The following MYO5B variants were observed in gnomAD, a reference collection of about 807,000 sequenced individuals.
The protein encoded by MYO5B is myosin VB, also known as unconventional myosin-Vb.
In MYO5B, 143 loss-of-function variants were observed where a neutral mutation model predicts 229.3. The ratio of observed to expected loss-of-function variants is 0.62; its 90% CI spans 0.54 to 0.72. The LOEUF is 0.72. Among genes scored for constraint, MYO5B ranks in the 30% least tolerant of loss-of-function variants. The probability of loss-of-function intolerance (pLI) is 0.00; values close to 1 mark genes in which losing one functional copy is unlikely to be tolerated. For synonymous variants in MYO5B, 918 were observed against 885.2 expected (o/e 1.04, Z -0.66); for missense variants, 2,321 against 2,331.0 (o/e 1.00, Z 0.09).
chr18:49,923,591 G>C (rs2025098259), intron 17 of MYO5B, among the ~76,000 whole-genome samples: 1 of 152,214 alleles, frequency 6.6e-6, no homozygotes, highest in South Asian at 2.1e-4. Context: ...CTTCAAGCTA[G>C]CTCAGCCAGT....
intron 4 of MYO5B, among the ~76,000 whole-genome samples, chr18:50,030,725 C>T (rs1226304088): frequency 6.6e-6 from 1 of 151,828 alleles, no homozygotes; most frequent in South Asian, 2.1e-4. Flanking sequence ...AAGCTGCACA[C>T]CCCTCCCCAG....
intron 9 of MYO5B, among the ~76,000 whole-genome samples, chr18:49,976,643 C>T (rs1004877126): frequency 5.9e-5 from 9 of 152,176 alleles, no homozygotes; most frequent in African/African-American, 1.4e-4. Context: ...CTGAGTGAGG[C>T]CTCCTGCCTT....
At chr18:49,999,160 G>C (rs1455347514) in intron 5 of MYO5B, among the ~76,000 whole-genome samples, 1 of 152,142 alleles carries the variant, frequency 6.6e-6, no homozygotes, top group Non-Finnish European at 1.5e-5. Context: ...CTTTCGTTTT[G>C]CTCAGAATAA....
At chr18:49,896,630 T>G (rs1288390777) in intron 21 of MYO5B, among the ~76,000 whole-genome samples, 1 of 152,104 alleles carries the variant, frequency 6.6e-6, no homozygotes, top group African/African-American at 2.4e-5. Context: ...AGGAGGTCTC[T>G]AGGTAGAGCT....
chr18:49,974,650 T>G (rs776158871), intron 9 of MYO5B, 35 bp from the exon 10 acceptor site: 70 of 1,602,314 alleles, frequency 4.4e-5, no homozygotes, highest in Non-Finnish European at 5.5e-5. Flanking sequence ...TCAGGAGGAG[T>G]GTGGGAGACA....
chr18:50,097,886 C>T (rs1207598479), intron 1 of MYO5B, among the ~76,000 whole-genome samples: 2 of 152,186 alleles, frequency 1.3e-5, no homozygotes, highest in African/African-American at 4.8e-5. Context: ...GAGAATGAAA[C>T]AGGAAACTGG....
At chr18:49,940,811 G>A (rs1235821429) in intron 14 of MYO5B, among the ~76,000 whole-genome samples, 1 of 152,222 alleles carries the variant, frequency 6.6e-6, no homozygotes, top group Non-Finnish European at 1.5e-5. Context: ...ATTAGAATGA[G>A]TGTGCCCACC....
chr18:50,160,874 C>T (rs1347811318), intron 1 of MYO5B, among the ~76,000 whole-genome samples: 1 of 152,154 alleles, frequency 6.6e-6, no homozygotes, highest in Non-Finnish European at 1.5e-5. Context: ...CTGTCCAACA[C>T]CCACCCCTCA....
At position 49,962,299 on chromosome 18, in the gene MYO5B, C is replaced by T; in HGVS notation, c.1512G>A (p.Leu504=). The stretch of plus-strand genomic sequence containing the variant: ...CTTCATCCAACAGGTCCAAGATACC[C>T]AGCTTGGCTTCAATGAGGTCGATAC... The part of the protein sequence containing the change: ...QPCIDLIEAK[L]GILDLLDEEC... Residue 504 remains leucine, a synonymous_variant, in exon 12 of 40, where the codon CTG becomes CTA. Coordinates refer to ENST00000285039, the MANE Select transcript of MYO5B (RefSeq NM_001080467.3). The T allele has an allele frequency of 6.2e-7, 1 of 1,614,204 alleles. No individual in the cohort carries two copies. Among genetic ancestry groups the T allele is most frequent in the African/African-American group, 1.3e-5 (1 of 75,054 alleles).
chr18:50,009,186 T>C (rs1267476688), intron 4 of MYO5B, among the ~76,000 whole-genome samples: 1 of 152,166 alleles, frequency 6.6e-6, no homozygotes, highest in African/African-American at 2.4e-5. Context: ...GAGACCAGCC[T>C]GGCCAACATG....
chr18:50,051,972 C>T (rs972936326), intron 2 of MYO5B, among the ~76,000 whole-genome samples: 2 of 152,158 alleles, frequency 1.3e-5, no homozygotes. Context: ...AATGTAAATA[C>T]CACTGAGTTG....
chr18:49,877,482 C>T (rs1234792252), intron 25 of MYO5B, among the ~76,000 whole-genome samples: 2 of 147,648 alleles, frequency 1.4e-5, no homozygotes, highest in Non-Finnish European at 3.0e-5. Context: ...TCTGCATCAG[C>T]TTCTTGGTTT....
chr18:50,150,600 G>A (rs946820781), intron 1 of MYO5B, among the ~76,000 whole-genome samples: 51 of 152,036 alleles, frequency 3.4e-4, no homozygotes, highest in African/African-American at 9.6e-4. Context: ...ACCAAACACC[G>A]CATATTCTCA....
At chr18:49,876,816 G>A (rs2024528951) in intron 25 of MYO5B, among the ~76,000 whole-genome samples, 1 of 152,238 alleles carries the variant, frequency 6.6e-6, no homozygotes, top group Admixed American at 6.5e-5. Flanking sequence ...CAACAGAGAG[G>A]AGACCTTCAG....
intron 36 of MYO5B, among the ~76,000 whole-genome samples, chr18:49,838,555 G>T (rs769959350): frequency 3.3e-5 from 5 of 152,192 alleles, no homozygotes; most frequent in Non-Finnish European, 5.9e-5. Context: ...GTAAGAACCT[G>T]GGGAAAGCAT....
intron 1 of MYO5B, among the ~76,000 whole-genome samples, chr18:50,089,923 C>A (rs1186886692): frequency 1.3e-5 from 2 of 152,112 alleles, no homozygotes; most frequent in Non-Finnish European, 2.9e-5. Flanking sequence ...GTGGGAGGGC[C>A]ACCTTTTTCG....
chr18:50,189,112 A>G (rs1218744869), intron 1 of MYO5B, among the ~76,000 whole-genome samples: 2 of 152,176 alleles, frequency 1.3e-5, no homozygotes, highest in African/African-American at 4.8e-5. Flanking sequence ...GCTTCTTTTC[A>G]GCCTTTCCTG....
At chr18:49,950,055 C>T (rs959111870) in intron 14 of MYO5B, among the ~76,000 whole-genome samples, 3 of 152,208 alleles carry the variant, frequency 2.0e-5, no homozygotes, top group African/African-American at 7.2e-5. Flanking sequence ...TATGGTGATA[C>T]AGCAACAATC....
intron 12 of MYO5B, among the ~76,000 whole-genome samples, chr18:49,962,006 T>C (rs2025564618): frequency 6.6e-6 from 1 of 152,170 alleles, no homozygotes; most frequent in Non-Finnish European, 1.5e-5. Context: ...AACCACCATA[T>C]TATGCCAACC....
Sources: gnomAD v4.1 joint callset for allele counts (sites outside exome capture counted in the v4.1 genomes callset) on GRCh38, gnomAD v4.1.1 for gene constraint, MANE v1.5 for transcripts, NCBI Gene and HGNC (gene_info 2026-07-23, HGNC 2026-07-21) for gene names.